SLC35G2: variants seen among roughly 807,000 people sequenced by gnomAD.
The protein encoded by SLC35G2 is solute carrier family 35 member G2, also known as transmembrane protein 22.
Under a neutral mutation model 27.2 loss-of-function variants are expected in SLC35G2, and 20 were observed. The ratio of observed to expected loss-of-function variants is 0.74; its 90% confidence interval spans 0.52 to 1.07. The LOEUF is 1.07. Ranked by LOEUF, SLC35G2 falls within the 50% of genes least tolerant of loss-of-function variation. SLC35G2 has a pLI of 0.00. For synonymous variants in SLC35G2, 148 were observed against 165.3 expected (o/e 0.90, Z 0.80); for missense variants, 416 against 493.3 (o/e 0.84, Z 1.48).
At chr3:136,838,445 G>C (rs1319884160) in intron 1 of SLC35G2, 2 of 152,000 alleles carry the variant, frequency 1.3e-5, no homozygotes, top group African/African-American at 4.8e-5. Context: ...GATGGCATCT[G>C]GTAACCATTT....
chr3:136,837,012 CAT>C (rs1371557803), intron 1 of SLC35G2, among the ~76,000 whole-genome samples: 2 of 152,084 alleles, frequency 1.3e-5, no homozygotes, highest in Non-Finnish European at 2.9e-5. Context: ...TCCAAATTAA[CAT>C]AAAGATTTAT....
chr3:136,845,795 C>G (rs1337622005), intron 1 of SLC35G2, among the ~76,000 whole-genome samples: 2 of 151,756 alleles, frequency 1.3e-5, no homozygotes, highest in South Asian at 4.2e-4. Flanking sequence ...GGGGTTTCAC[C>G]ATGTTGGCCA....
chr3:136,854,870 T>C lies in SLC35G2; in HGVS notation c.410T>C (p.Ile137Thr), dbSNP rs1937906804. Residue 137 changes from isoleucine to threonine, a missense_variant, in exon 2 of 2, where the codon ATT (isoleucine) becomes ACT (threonine). By Grantham distance (89) the Ile-to-Thr change is moderately conservative (BLOSUM62 -1). Coordinates refer to ENST00000446465, the MANE Select transcript of SLC35G2 (RefSeq NM_025246.3). The stretch of plus-strand genomic sequence containing the variant: ...TCTAAAGTTCCATCTCTAGAACTGA[T>C]TTTTATCCGTTCTGTTTTTCAGGTC... ...DRSKVPSLELIFIRSVFQVLS... is the reference protein window; with the variant it reads ...DRSKVPSLELTFIRSVFQVLS... 1 of 1,614,234 alleles carries C rather than the reference T, an allele frequency of 6.2e-7. No homozygotes were observed. The highest frequency in any genetic ancestry group is 8.5e-7 in the Non-Finnish European group (1 of 1,180,034).
intron 1 of SLC35G2, among the ~76,000 whole-genome samples, chr3:136,828,921 C>T (rs1936654532): frequency 6.6e-6 from 1 of 152,080 alleles, no homozygotes. Flanking sequence ...TTGAGGTTAC[C>T]ATGAGGCTTG....
Position 136,855,704 on chromosome 3 carries a change from CTGAT to C in SLC35G2, c.*7_*10del. The C allele has an allele frequency of 6.4e-7, 1 of 1,572,170 alleles. No homozygotes were observed. The highest frequency in any genetic ancestry group is 1.1e-5 in the South Asian group (1 of 89,726). The stretch of plus-strand genomic sequence containing the variant: ...CTAGACTCTCCCATTAAATGAATAC[CTGAT>C]TATTATTGTCTCATTAATGTTCAGT... On this transcript the variant is annotated 3_prime_UTR_variant, in exon 2 of 2. Transcript: ENST00000446465.
intron 1 of SLC35G2, among the ~76,000 whole-genome samples, chr3:136,827,941 C>T (rs1481740268): frequency 6.6e-6 from 1 of 151,932 alleles, no homozygotes; most frequent in African/African-American, 2.4e-5. Flanking sequence ...ATTTTCCTGC[C>T]TCAGCCTCCC....
At chr3:136,842,532 C>T (rs1329842651) in intron 1 of SLC35G2, 1 of 152,186 alleles carries the variant, frequency 6.6e-6, no homozygotes, top group Admixed American at 6.6e-5. Context: ...TCCTGAGGGA[C>T]CTGGAACCAG....
intron 1 of SLC35G2, among the ~76,000 whole-genome samples, chr3:136,831,382 T>A (rs1936725940): frequency 6.6e-6 from 1 of 152,222 alleles, no homozygotes; most frequent in Admixed American, 6.5e-5. Flanking sequence ...ACTCATTCAT[T>A]TTTCCAGCAT....
chr3:136,835,307 CTTTTTTT>C (rs59937564), intron 1 of SLC35G2, among the ~76,000 whole-genome samples: 3 of 113,200 alleles, frequency 2.7e-5, no homozygotes, highest in South Asian at 2.8e-4. Context: ...AGGCCTTTTT[CTTTTTTT>C]TTTTTTTTTG....
At chr3:136,840,806 A>G (rs1937058368) in intron 1 of SLC35G2, among the ~76,000 whole-genome samples, 1 of 151,740 alleles carries the variant, frequency 6.6e-6, no homozygotes, top group Non-Finnish European at 1.5e-5. Flanking sequence ...TATTTTTAGT[A>G]GAAATGGGGT....
intron 1 of SLC35G2, among the ~76,000 whole-genome samples, chr3:136,831,938 A>G (rs1378368882): frequency 2.0e-5 from 3 of 151,606 alleles, no homozygotes. Flanking sequence ...CACTCTGCAC[A>G]AATAATTATT....
At chr3:136,843,968 T>C (rs919405856) in intron 1 of SLC35G2, among the ~76,000 whole-genome samples, 1 of 151,946 alleles carries the variant, frequency 6.6e-6, no homozygotes, top group African/African-American at 2.4e-5. Context: ...TCTGAGTGAA[T>C]TTTACTACTT....
At chr3:136,850,017 G>T (rs1244530153) in intron 1 of SLC35G2, among the ~76,000 whole-genome samples, 1 of 152,184 alleles carries the variant, frequency 6.6e-6, no homozygotes, top group Non-Finnish European at 1.5e-5. Context: ...TGAGGCAGGA[G>T]AATCTCTTGA....
intron 1 of SLC35G2, among the ~76,000 whole-genome samples, chr3:136,844,862 A>G (rs1457173277): frequency 1.3e-5 from 2 of 151,854 alleles, no homozygotes; most frequent in Non-Finnish European, 2.9e-5. Flanking sequence ...CATTCAATGG[A>G]AAAACTTCAA....
chr3:136,848,827 G>A (rs1156502205), intron 1 of SLC35G2, among the ~76,000 whole-genome samples: 2 of 152,052 alleles, frequency 1.3e-5, no homozygotes, highest in African/African-American at 4.8e-5. Flanking sequence ...TTACCTATTG[G>A]GTGCAATGCT....
chr3:136,843,848 C>T (rs1026831091), intron 1 of SLC35G2, among the ~76,000 whole-genome samples: 3 of 152,028 alleles, frequency 2.0e-5, no homozygotes, highest in Non-Finnish European at 4.4e-5. Context: ...GCAGGAGAAT[C>T]CCTTGAACCC....
Position 136,855,579 on chromosome 3 carries a change from T to G in SLC35G2, c.1119T>G (p.Tyr373Ter). 6.2e-7 allele frequency: 1 copy of G among 1,614,132 alleles called. No homozygotes were observed. Among genetic ancestry groups the G allele is most frequent in the Non-Finnish European group, 8.5e-7 (1 of 1,179,990 alleles). Residue 373 changes from tyrosine to a stop codon, truncating the protein, a stop_gained, in exon 2 of 2, where the codon TAT becomes TAG. Transcript: ENST00000446465. LOFTEE classifies it high-confidence loss of function. The part of the protein sequence containing the change: ...LLVLHIFPSI[Y>*]DVFGGVIIMI... ...TGCTGCACATATTTCCTAGCATCTATGATGTTTTTGGAGGGGTAATCATTA... is the reference window on the plus strand; with the variant it reads ...TGCTGCACATATTTCCTAGCATCTAGGATGTTTTTGGAGGGGTAATCATTA...
At chr3:136,839,525 A>G (rs1937002275) in intron 1 of SLC35G2, among the ~76,000 whole-genome samples, 1 of 152,108 alleles carries the variant, frequency 6.6e-6, no homozygotes, top group South Asian at 2.1e-4. Context: ...GACTGAGTAG[A>G]GAGAGGCCAG....
intron 1 of SLC35G2, among the ~76,000 whole-genome samples, chr3:136,820,845 T>G (rs2107992101): frequency 6.6e-6 from 1 of 152,316 alleles, no homozygotes; most frequent in South Asian, 2.1e-4. Context: ...ATTAAGTATT[T>G]ATACTCATTT....
Sources: allele counts gnomAD v4.1 joint callset (sites outside exome capture counted in the v4.1 genomes callset), GRCh38; gene constraint gnomAD v4.1.1; transcripts MANE v1.5; gene names NCBI Gene and HGNC (gene_info 2026-07-23, HGNC 2026-07-21).